JMJD6: variants seen among roughly 807,000 people sequenced by gnomAD.
JMJD6 encodes the protein jumonji domain containing 6, arginine demethylase and lysine hydroxylase, also known as bifunctional arginine demethylase and lysyl-hydroxylase JMJD6.
A neutral mutation model predicts 45.8 loss-of-function variants in JMJD6; 17 were observed. The ratio of observed to expected loss-of-function variants is 0.37; its 90% CI spans 0.25 to 0.56. JMJD6 has a LOEUF of 0.56. Among genes scored for constraint, JMJD6 ranks in the 20% least tolerant of loss-of-function variants. JMJD6 has a pLI of 0.79. For missense variants in JMJD6, 470 were observed against 517.5 expected (o/e 0.91, Z 0.89); for synonymous variants, 221 against 196.3 (o/e 1.13, Z -1.05).
exon 7 of JMJD6, chr17:76,713,361 G>A (rs2076742511): frequency 6.6e-6 from 1 of 152,262 alleles, no homozygotes; most frequent in African/African-American, 2.4e-5. Flanking sequence ...GCCTCCCAAA[G>A]TGCTGGGATT....
At chr17:76,722,488 A>G (rs2076837520) in intron 3 of JMJD6, among the ~76,000 whole-genome samples, 1 of 152,144 alleles carries the variant, frequency 6.6e-6, no homozygotes, top group African/African-American at 2.4e-5. Context: ...AGGCTGAGGC[A>G]GGAGGCTTGT....
At chr17:76,722,055 G>C in intron 3 of JMJD6, 122 bp from the exon 4 acceptor site, 1 of 1,046,818 alleles carries the variant, frequency 9.6e-7, no homozygotes, top group Non-Finnish European at 1.4e-6. Flanking sequence ...ACATGATACA[G>C]GGTAGTTCCT....
At chr17:76,724,544 C>T (rs555141674) in intron 2 of JMJD6, among the ~76,000 whole-genome samples, 1 of 152,160 alleles carries the variant, frequency 6.6e-6, no homozygotes, top group Admixed American at 6.5e-5. Flanking sequence ...TCAGCTGGGG[C>T]GGTAGCTCAC....
chr17:76,721,546 C>T (rs2143728229), intron 4 of JMJD6: 1 of 493,772 alleles, frequency 2.0e-6, no homozygotes, highest in Admixed American at 3.3e-5. Context: ...AGAAACAATC[C>T]CAATTATGAC....
At chr17:76,723,695 C>T in intron 3 of JMJD6, 77 bp downstream of exon 3, 6 of 1,379,972 alleles carry the variant, frequency 4.3e-6, no homozygotes, top group Non-Finnish European at 6.1e-6. Flanking sequence ...CCCGCCTCAG[C>T]CTCCCAAAGT....
chr17:76,720,022 G>A (rs1018867952), intron 5 of JMJD6, among the ~76,000 whole-genome samples: 3 of 152,196 alleles, frequency 2.0e-5, no homozygotes, highest in African/African-American at 7.2e-5. Flanking sequence ...GCATGCGCCT[G>A]TAATCCCAGC....
chr17:76,724,147 GTCTTGC>G, intron 2 of JMJD6, 89 bp from the exon 3 acceptor site: 1 of 1,412,652 alleles, frequency 7.1e-7, no homozygotes, highest in South Asian at 1.3e-5. Context: ...TTCTTTGAGA[GTCTTGC>G]TCTATCACCC....
At chr17:76,718,173 A>C (rs2076781266), downstream of JMJD6, among the ~76,000 whole-genome samples, 2 of 151,524 alleles carry the variant, frequency 1.3e-5, no homozygotes. Context: ...AAAAAAAAAA[A>C]AAAAAAAAGA....
At position 76,721,881 on chromosome 17, in the gene JMJD6, T is replaced by C. The variant is rs901415433; in HGVS notation, c.858A>G (p.Gln286=). The C allele has an allele frequency of 1.3e-5, 21 of 1,614,154 alleles. No individual in the cohort carries two copies. Among genetic ancestry groups the C allele is most frequent in the Non-Finnish European group, 1.8e-5 (21 of 1,180,024 alleles). Residue 286 remains glutamine (Q), a synonymous_variant, in exon 4 of 6, where the codon CAA becomes CAG. Coordinates refer to ENST00000397625, the MANE Select transcript of JMJD6 (RefSeq NM_015167.3). ...GGAAGTTGGTGCTGCTGGCAAAATT[T>C]TGGGTGATGGCGATAGTAGTGTCGA... ...LNLDTTIAIT[Q]NFASSTNFPV...
In JMJD6 at chr17:76,725,910, C is replaced by T. The variant is rs2076915218; in HGVS notation, c.130-55G>A. 1.1e-5 allele frequency: 17 copies of T among 1,501,984 alleles called. No homozygotes were observed. In the East Asian group the frequency reaches 3.8e-4, roughly 34 times the overall value. 93.0% of individuals were successfully genotyped at this position (1,501,984 alleles called of 1,614,324 possible). On this transcript the variant is annotated intron_variant, in intron 1 of 5. Coordinates refer to ENST00000397625, the MANE Select transcript of JMJD6 (RefSeq NM_015167.3). ...TAAAAAAAAAAAAAAAGTCCAGTGG[C>T]AGATAAGGGTGTCCCCAAGGCCAAC...
At chr17:76,716,420 A>G (rs2076764736), downstream of JMJD6, 1 of 428,042 alleles carries the variant, frequency 2.3e-6, no homozygotes, top group Non-Finnish European at 4.3e-6. Flanking sequence ...TCGGTTTTCA[A>G]TGAGACAGCA....
chr17:76,725,406 CA>C (rs36106744), intron 2 of JMJD6, 60 bp downstream of exon 2: 44,139 of 925,882 alleles, frequency 0.048, no homozygotes, highest in East Asian at 0.052. Context: ...CGCTCTGTCT[CA>C]AAAAAAAAAA....
At chr17:76,715,506 G>C (rs1294366998), downstream of JMJD6, 2 of 152,210 alleles carry the variant, frequency 1.3e-5, no homozygotes, top group Non-Finnish European at 2.9e-5. Context: ...AGTGAGCAGA[G>C]ACCTGTATTT....
chr17:76,713,125 C>CA (rs1174148612), exon 7 of JMJD6: 1 of 152,096 alleles, frequency 6.6e-6, no homozygotes, highest in African/African-American at 2.4e-5. Flanking sequence ...TTTTTAAAGA[C>CA]AGAGTCTCGG....
chr17:76,720,601 G>C, intron 4 of JMJD6, 103 bp from the exon 5 acceptor site: 10 of 1,119,486 alleles, frequency 8.9e-6, no homozygotes, highest in East Asian at 2.4e-5. Context: ...ACCTGGGAAT[G>C]CCAGGTGTGT....
Position 76,720,436 on chromosome 17 carries a change from G to T in JMJD6, c.1004C>A (p.Ser335Tyr). 1 of 1,614,034 alleles carries T rather than the reference G, an allele frequency of 6.2e-7. No homozygotes were observed. The highest frequency in any genetic ancestry group is 8.5e-7 in the Non-Finnish European group (1 of 1,179,942). ...VLADSVDLQE[S>Y]TGIASDSSSD... ...GGAGCTGTCGGAAGCTATCCCTGTG[G>T]ACTCCTGAAGGTCAACCGAGTCTGC... The change falls in exon 5 of 6, where the codon TCC becomes TAC. Residue 335 changes from serine to tyrosine, a missense_variant. Physicochemically the swap from Ser to Tyr is moderately radical, Grantham distance 144 (BLOSUM62 -2). Coordinates refer to ENST00000397625, the MANE Select transcript of JMJD6 (RefSeq NM_015167.3).
chr17:76,726,256 C>T (rs1172742479), intron 1 of JMJD6, 91 bp downstream of exon 1: 2 of 1,442,744 alleles, frequency 1.4e-6, no homozygotes, highest in Non-Finnish European at 1.8e-6. Flanking sequence ...CCCGGGCGCT[C>T]GGGGCGAGGG....
At chr17:76,714,619 G>A (rs968536453), downstream of JMJD6, 1 of 152,380 alleles carries the variant, frequency 6.6e-6, no homozygotes, top group Admixed American at 6.6e-5. Context: ...TAGGGCTGCT[G>A]AATCCCTGGC....
At chr17:76,725,304 G>T (rs1381250972) in intron 2 of JMJD6, among the ~76,000 whole-genome samples, 163 bp downstream of exon 2, 2 of 151,060 alleles carry the variant, frequency 1.3e-5, no homozygotes, top group African/African-American at 4.9e-5. Flanking sequence ...GTTACAGGAG[G>T]CTGAGGCAGG....
Sources: allele counts gnomAD v4.1 joint callset (sites outside exome capture counted in the v4.1 genomes callset), GRCh38; gene constraint gnomAD v4.1.1; transcripts MANE v1.5; gene names NCBI Gene and HGNC (gene_info 2026-07-23, HGNC 2026-07-21).